Variants in MAGI2 observed in about 807,000 individuals in gnomAD.
MAGI2 encodes the protein membrane-associated guanylate kinase, WW and PDZ domain-containing protein 2.
Under a neutral mutation model 133.3 loss-of-function variants are expected in MAGI2, and 35 were observed. That is an observed-to-expected ratio of 0.26 (90% CI 0.20 to 0.35). The LOEUF (loss-of-function observed/expected upper bound fraction) is 0.35. Among genes scored for constraint, MAGI2 ranks in the 10% least tolerant of loss-of-function variants. MAGI2 has a pLI of 1.00. For synonymous variants in MAGI2, 729 were observed against 710.6 expected (o/e 1.03, Z -0.41); for missense variants, 1,636 against 1,863.4 (o/e 0.88, Z 2.25).
At chr7:79,356,163 A>G (rs1319726230) in intron 1 of MAGI2, among the ~76,000 whole-genome samples, 1 of 152,212 alleles carries the variant, frequency 6.6e-6, no homozygotes, top group Admixed American at 6.5e-5. Context: ...GTTATATGAA[A>G]AAAGGTTAAT....
intron 3 of MAGI2, among the ~76,000 whole-genome samples, chr7:78,534,844 A>T (rs1273665236): frequency 6.6e-6 from 1 of 151,920 alleles, no homozygotes; most frequent in African/African-American, 2.4e-5. Flanking sequence ...TAGAAAAAAA[A>T]ATGAGTAAGG....
At chr7:78,569,978 T>C (rs1003798103) in intron 3 of MAGI2, among the ~76,000 whole-genome samples, 7 of 152,252 alleles carry the variant, frequency 4.6e-5, no homozygotes, top group Non-Finnish European at 7.3e-5. Context: ...AATGTTTTCA[T>C]TGTTCTCATT....
intron 1 of MAGI2, among the ~76,000 whole-genome samples, chr7:79,190,014 T>C (rs573960750): frequency 3.3e-5 from 5 of 151,916 alleles, no homozygotes; most frequent in Non-Finnish European, 7.4e-5. Context: ...AGTTTGTTCA[T>C]ATATTCTACC....
At chr7:78,586,154 T>C (rs1239445666) in intron 3 of MAGI2, among the ~76,000 whole-genome samples, 4 of 152,180 alleles carry the variant, frequency 2.6e-5, no homozygotes, top group Non-Finnish European at 5.9e-5. Context: ...AGCTGAGAGA[T>C]TGCGTAAGTA....
rs139378116 is a variant in MAGI2 at position 78,886,892 on chromosome 7, G to A, written c.418+120198C>T. Among the ~76,000 whole-genome samples the A allele has an allele frequency of 7.7e-3, 1,179 of 152,238 alleles. 8 individuals carry two copies. The highest frequency in any genetic ancestry group is 0.011 in the Non-Finnish European group (777 of 68,018). On this transcript the variant is annotated intron_variant, in intron 2 of 21. Transcript: ENST00000354212. The stretch of plus-strand genomic sequence containing the variant: ...AGATGAGGGAGGGACCTTGTAGGAG[G>A]TAACTGAATCATGGGGGGAGTCCCC...
intron 1 of MAGI2, among the ~76,000 whole-genome samples, chr7:79,199,539 C>T (rs1340084249): frequency 1.3e-5 from 2 of 151,990 alleles, no homozygotes; most frequent in Non-Finnish European, 2.9e-5. Context: ...GGATTCAAAG[C>T]TAGAGATTTT....
At chr7:79,011,924 C>CTTTCCTTT (rs1808170160) in intron 1 of MAGI2, among the ~76,000 whole-genome samples, 1 of 121,284 alleles carries the variant, frequency 8.2e-6, no homozygotes, top group African/African-American at 3.3e-5. Flanking sequence ...TTCCTTCCTT[C>CTTTCCTTT]CTTTCTTTCT....
At chr7:78,910,741 C>T (rs985057527) in intron 2 of MAGI2, among the ~76,000 whole-genome samples, 13 of 152,132 alleles carry the variant, frequency 8.5e-5, no homozygotes, top group African/African-American at 3.1e-4. Context: ...TTGGATTTTA[C>T]ATCTTTCTAG....
At chr7:79,009,139 C>T (rs1428371438) in intron 1 of MAGI2, 2 of 152,116 alleles carry the variant, frequency 1.3e-5, no homozygotes, top group Non-Finnish European at 2.9e-5. Context: ...GCCAGAATCA[C>T]TCACCTAATG....
At chr7:79,010,773 G>A (rs760465220) in intron 1 of MAGI2, among the ~76,000 whole-genome samples, 1 of 151,878 alleles carries the variant, frequency 6.6e-6, no homozygotes, top group Non-Finnish European at 1.5e-5. Context: ...ATTTAGTTAT[G>A]TGAAAAAAAT....
At chr7:79,373,338 A>G (rs988146228) in intron 1 of MAGI2, among the ~76,000 whole-genome samples, 2 of 152,032 alleles carry the variant, frequency 1.3e-5, no homozygotes, top group African/African-American at 4.8e-5. Context: ...AGAAGAAATC[A>G]AATGGATAAG....
chr7:78,853,404 G>A (rs947982676), intron 2 of MAGI2, among the ~76,000 whole-genome samples: 1 of 120,048 alleles, frequency 8.3e-6, no homozygotes, highest in African/African-American at 3.3e-5. Context: ...AGTCCAGGCT[G>A]GAGTGCAGTA....
chr7:79,380,342 T>G (rs66961385), intron 1 of MAGI2, among the ~76,000 whole-genome samples: 26,940 of 151,790 alleles, frequency 0.18, 2,705 homozygotes, highest in African/African-American at 0.27. Flanking sequence ...TCTTTCATTT[T>G]CCCTTGTGCT....
chr7:79,192,187 A>T (rs1827733287), intron 1 of MAGI2, among the ~76,000 whole-genome samples: 1 of 151,738 alleles, frequency 6.6e-6, no homozygotes, highest in South Asian at 2.1e-4. Context: ...ACTTATCACC[A>T]TTTGACGTAC....
intron 15 of MAGI2, among the ~76,000 whole-genome samples, chr7:78,162,896 C>T (rs1825217642): frequency 6.6e-6 from 1 of 152,162 alleles, no homozygotes; most frequent in Non-Finnish European, 1.5e-5. Context: ...TGGCTCTGGA[C>T]CCAAGTGAGA....
chr7:78,440,029 T>C (rs1356322453), intron 6 of MAGI2, among the ~76,000 whole-genome samples: 1 of 151,796 alleles, frequency 6.6e-6, no homozygotes, highest in East Asian at 1.9e-4. Flanking sequence ...TTTAAAGTTA[T>C]ATACACATAT....
intron 9 of MAGI2, among the ~76,000 whole-genome samples, chr7:78,282,763 T>C (rs906627434): frequency 6.6e-5 from 10 of 152,238 alleles, no homozygotes; most frequent in African/African-American, 2.4e-4. Flanking sequence ...ATTAAGATAT[T>C]TAGCTAGAAA....
intron 1 of MAGI2, among the ~76,000 whole-genome samples, chr7:79,046,671 G>A (rs1322257030): frequency 6.6e-6 from 1 of 152,174 alleles, no homozygotes; most frequent in Non-Finnish European, 1.5e-5. Context: ...TAAAGTTGAG[G>A]ACAGAATCCT....
chr7:79,427,071 G>A (rs963550973), intron 1 of MAGI2, among the ~76,000 whole-genome samples: 1 of 152,132 alleles, frequency 6.6e-6, no homozygotes, highest in African/African-American at 2.4e-5. Context: ...TAAATGTATT[G>A]TACGTAATCT....
Sources: gnomAD v4.1 joint callset for allele counts (sites outside exome capture counted in the v4.1 genomes callset) on GRCh38, gnomAD v4.1.1 for gene constraint, MANE v1.5 for transcripts, NCBI Gene and HGNC (gene_info 2026-07-23, HGNC 2026-07-21) for gene names.